The following MECOM variants were observed in gnomAD, a reference collection of about 807,000 sequenced individuals.
MECOM encodes MDS1 and EVI1 complex locus.
A neutral mutation model predicts 116.3 loss-of-function variants in MECOM; 13 were observed. The ratio of observed to expected loss-of-function variants is 0.11; its 90% CI spans 0.07 to 0.18. MECOM has a LOEUF of 0.18. Among genes scored for constraint, MECOM ranks in the 10% least tolerant of loss-of-function variants. MECOM has a pLI of 1.00. For missense variants in MECOM, 1,299 were observed against 1,509.0 expected (o/e 0.86, Z 2.31); for synonymous variants, 528 against 535.2 (o/e 0.99, Z 0.19).
chr3:169,292,446 C>G (rs972424350), intron 2 of MECOM, among the ~76,000 whole-genome samples: 2 of 152,150 alleles, frequency 1.3e-5, no homozygotes, highest in African/African-American at 4.8e-5. Context: ...AGAATCCCTT[C>G]CTGAAACTCA....
chr3:169,092,427 A>G (rs1720018889), intron 14 of MECOM, among the ~76,000 whole-genome samples: 1 of 151,900 alleles, frequency 6.6e-6, no homozygotes, highest in Admixed American at 6.6e-5. Context: ...TATATTACAT[A>G]TATACAGAAT....
intron 2 of MECOM, among the ~76,000 whole-genome samples, chr3:169,242,812 A>G (rs1755053467): frequency 6.6e-6 from 1 of 151,404 alleles, no homozygotes; most frequent in African/African-American, 2.4e-5. Flanking sequence ...GGAGAGAAAC[A>G]AACCTACAAT....
chr3:169,485,987 ATATATATGTATATATATAC>A (rs1752266981), intron 1 of MECOM, among the ~76,000 whole-genome samples: 1 of 92,660 alleles, frequency 1.1e-5, no homozygotes, highest in Non-Finnish European at 2.0e-5. Flanking sequence ...TATATATAGT[ATATATATGTATATATATAC>A]TATATATATA....
intron 1 of MECOM, among the ~76,000 whole-genome samples, chr3:169,587,559 T>G (rs1765917791): frequency 6.6e-6 from 1 of 151,748 alleles, no homozygotes; most frequent in Admixed American, 6.6e-5. Flanking sequence ...TTTGACACCT[T>G]GTAGAAAAAA....
At chr3:169,642,255 G>A (rs1773581405) in intron 1 of MECOM, among the ~76,000 whole-genome samples, 1 of 152,042 alleles carries the variant, frequency 6.6e-6, no homozygotes, top group Non-Finnish European at 1.5e-5. Flanking sequence ...GACTGGGGAA[G>A]GTAGGCATGA....
intron 1 of MECOM, among the ~76,000 whole-genome samples, chr3:169,593,898 C>T (rs1314254659): frequency 6.6e-6 from 1 of 152,122 alleles, no homozygotes; most frequent in African/African-American, 2.4e-5. Context: ...GCAGGCAGAT[C>T]ACCTGAGGTC....
intron 2 of MECOM, among the ~76,000 whole-genome samples, chr3:169,380,417 T>C (rs1224475284): frequency 6.6e-6 from 1 of 152,176 alleles, no homozygotes; most frequent in Non-Finnish European, 1.5e-5. Flanking sequence ...TGAATCTGTA[T>C]AAAACTTACA....
chr3:169,567,827 G>A (rs986217806), intron 1 of MECOM, among the ~76,000 whole-genome samples: 2 of 152,152 alleles, frequency 1.3e-5, no homozygotes, highest in African/African-American at 4.8e-5. Context: ...GTACTCAGAG[G>A]TGGTATAATT....
intron 2 of MECOM, chr3:169,147,531 C>A (rs113303840): frequency 1.0e-6 from 1 of 985,412 alleles, no homozygotes; most frequent in East Asian, 1.1e-4. Flanking sequence ...CCTCCTCTGG[C>A]GGGAGAGGTC....
intron 2 of MECOM, among the ~76,000 whole-genome samples, chr3:169,204,845 T>C (rs953102003): frequency 1.3e-5 from 2 of 152,178 alleles, no homozygotes; most frequent in Non-Finnish European, 2.9e-5. Flanking sequence ...ACAGACAATA[T>C]ATTAAGCTAC....
At chr3:169,614,114 C>CTT (rs34798812) in intron 1 of MECOM, among the ~76,000 whole-genome samples, 3,489 of 138,200 alleles carry the variant, frequency 0.025, 148 homozygotes, top group African/African-American at 0.077. Context: ...TTTCTTTTTT[C>CTT]TTTTTTTTTT....
At chr3:169,354,229 A>G (rs1726863655) in intron 2 of MECOM, among the ~76,000 whole-genome samples, 1 of 151,918 alleles carries the variant, frequency 6.6e-6, no homozygotes, top group Admixed American at 6.6e-5. Flanking sequence ...ACCCCAGTAA[A>G]TAAGTTCATA....
intron 5 of MECOM, among the ~76,000 whole-genome samples, chr3:169,123,789 G>A (rs2149138201): frequency 6.6e-6 from 1 of 152,174 alleles, no homozygotes; most frequent in African/African-American, 2.4e-5. Context: ...CCAACTTGAA[G>A]AGATGCCCAC....
At chr3:169,544,070 G>A (rs1399931535) in intron 1 of MECOM, among the ~76,000 whole-genome samples, 1 of 151,930 alleles carries the variant, frequency 6.6e-6, no homozygotes, top group African/African-American at 2.4e-5. Flanking sequence ...GTATTTTTAG[G>A]AGAGACGGGG....
chr3:169,355,832 C>G (rs1023747909), intron 2 of MECOM, among the ~76,000 whole-genome samples: 1 of 148,740 alleles, frequency 6.7e-6, no homozygotes, highest in African/African-American at 2.5e-5. Flanking sequence ...AGAATATCAT[C>G]TTTTTTTTTT....
chr3:169,147,974 G>A (rs1392882966), intron 2 of MECOM, among the ~76,000 whole-genome samples: 2 of 151,998 alleles, frequency 1.3e-5, no homozygotes, highest in Non-Finnish European at 2.9e-5. Context: ...GCAACCTCAA[G>A]AGTGAAAAGT....
chr3:169,381,941 T>C (rs1208650818), intron 1 of MECOM, among the ~76,000 whole-genome samples: 1 of 152,234 alleles, frequency 6.6e-6, no homozygotes, highest in Non-Finnish European at 1.5e-5. Flanking sequence ...TGCAATGTTA[T>C]CTTGGAATAA....
intron 2 of MECOM, among the ~76,000 whole-genome samples, chr3:169,314,836 T>C (rs1034461324): frequency 1.3e-5 from 2 of 152,224 alleles, no homozygotes; most frequent in Non-Finnish European, 2.9e-5. Flanking sequence ...AAGGGAAGTT[T>C]AGAAATTTCT....
chr3:169,655,250 G>A (rs933034166), intron 1 of MECOM, among the ~76,000 whole-genome samples: 1 of 152,052 alleles, frequency 6.6e-6, no homozygotes, highest in African/African-American at 2.4e-5. Flanking sequence ...CAAAGGCTGG[G>A]TGTCAAAAAA....
Sources: gnomAD v4.1 joint callset for allele counts (sites outside exome capture counted in the v4.1 genomes callset) on GRCh38, gnomAD v4.1.1 for gene constraint, MANE v1.5 for transcripts, NCBI Gene and HGNC (gene_info 2026-07-23, HGNC 2026-07-21) for gene names.